The following GNAL variants were observed in gnomAD, a reference collection of about 807,000 sequenced individuals.
GNAL encodes G protein subunit alpha L, also known as guanine nucleotide-binding protein G(olf) subunit alpha.
In GNAL, 18 loss-of-function variants were observed where a neutral mutation model predicts 55.1. The ratio of observed to expected loss-of-function variants is 0.33; its 90% CI spans 0.23 to 0.48. GNAL has a LOEUF of 0.48. GNAL is among the 20% of genes least tolerant of loss of function. The pLI is 0.99. For missense variants in GNAL, 412 were observed against 614.1 expected, an observed-to-expected ratio of 0.67 and a Z score of 3.48; for synonymous variants, 253 against 237.0, an observed-to-expected ratio of 1.07 and a Z score of -0.62.
intron 11 of GNAL, among the ~76,000 whole-genome samples, chr18:11,880,366 T>G (rs557743601): frequency 1.4e-5 from 2 of 147,712 alleles, no homozygotes; most frequent in Non-Finnish European, 3.0e-5. Context: ...GTCAGGAGTT[T>G]GAGACCAGCC....
At chr18:11,776,885 A>C (rs894682284) in intron 4 of GNAL, among the ~76,000 whole-genome samples, 1 of 152,008 alleles carries the variant, frequency 6.6e-6, no homozygotes, top group Non-Finnish European at 1.5e-5. Context: ...AAGCTTCTCT[A>C]CCCTTCGAGC....
intron 5 of GNAL, among the ~76,000 whole-genome samples, chr18:11,826,354 A>G (rs1158233756): frequency 7.1e-4 from 18 of 25,280 alleles, no homozygotes; most frequent in South Asian, 1.9e-3. Context: ...AGGAGCGGGG[A>G]GGGGGAAGGA....
chr18:11,858,893 C>G (rs2036067384), intron 5 of GNAL, among the ~76,000 whole-genome samples: 1 of 152,176 alleles, frequency 6.6e-6, no homozygotes, highest in Non-Finnish European at 1.5e-5. Context: ...GAAGACCCAC[C>G]AGCCTCATCA....
chr18:11,764,040 TC>T (rs2033327892), intron 4 of GNAL, among the ~76,000 whole-genome samples: 1 of 152,232 alleles, frequency 6.6e-6, no homozygotes, highest in Non-Finnish European at 1.5e-5. Context: ...ATGCCCTTTT[TC>T]CCTTGGTAAT....
At chr18:11,821,119 T>A (rs1171583521) in intron 4 of GNAL, among the ~76,000 whole-genome samples, 2 of 152,232 alleles carry the variant, frequency 1.3e-5, no homozygotes, top group Non-Finnish European at 2.9e-5. Context: ...TTGTGAATCG[T>A]GGAAGGACCA....
intron 4 of GNAL, among the ~76,000 whole-genome samples, chr18:11,766,759 T>C (rs529070191): frequency 8.7e-4 from 132 of 152,258 alleles, no homozygotes; most frequent in African/African-American, 3.2e-3. Flanking sequence ...TGCAAAAATA[T>C]AGAACGATTT....
chr18:11,868,432 A>G lies in GNAL; in HGVS notation c.911-111A>G, dbSNP rs1446888272. On this transcript the variant is annotated intron_variant, in intron 8 of 11. Transcript: ENST00000334049. The surrounding 1 kb of genome is among the most constrained non-coding windows in gnomAD (Gnocchi z 4.0). Reference sequence around the variant, plus strand: ...GGCTGTTCTGTGACTGAATAGTCCTATCACTGAATGAATGTTTTTGTGGAA... The same window carrying G: ...GGCTGTTCTGTGACTGAATAGTCCTGTCACTGAATGAATGTTTTTGTGGAA... 1 of 904,040 alleles carries G rather than the reference A, an allele frequency of 1.1e-6. No homozygotes were observed. The highest frequency in any genetic ancestry group is 1.7e-6 in the Non-Finnish European group (1 of 585,552). 56.0% of individuals were successfully genotyped at this position (904,040 alleles called of 1,614,324 possible).
At chr18:11,742,222 G>A (rs908607788) in intron 1 of GNAL, among the ~76,000 whole-genome samples, 3 of 152,182 alleles carry the variant, frequency 2.0e-5, no homozygotes, top group African/African-American at 4.8e-5. Context: ...TTTGTTGACC[G>A]TACTATAGTT....
At chr18:11,862,310 T>C (rs750737750) in intron 5 of GNAL, 85 bp from the exon 6 acceptor site, 35 of 1,002,222 alleles carry the variant, frequency 3.5e-5, no homozygotes, top group Non-Finnish European at 4.5e-5. Context: ...TTGCTGTACT[T>C]GGGTGATGTC....
chr18:11,816,945 G>A (rs553960693), intron 4 of GNAL, among the ~76,000 whole-genome samples: 2 of 151,724 alleles, frequency 1.3e-5, no homozygotes, highest in Non-Finnish European at 2.9e-5. Context: ...TCTAGAAAAG[G>A]CAAAACTATA....
chr18:11,824,880 C>CTTTT, intron 4 of GNAL, 38 bp from the exon 5 acceptor site: 4 of 1,028,236 alleles, frequency 3.9e-6, no homozygotes, highest in South Asian at 1.4e-5. Flanking sequence ...GGTTATTACA[C>CTTTT]TTTTTTTTTT....
At chr18:11,731,769 G>A (rs2032345224) in intron 1 of GNAL, among the ~76,000 whole-genome samples, 1 of 152,184 alleles carries the variant, frequency 6.6e-6, no homozygotes. Context: ...GCCCACTGCT[G>A]AAGGACTGGA....
At chr18:11,691,789 A>G (rs1419645155) in intron 1 of GNAL, among the ~76,000 whole-genome samples, 1 of 152,150 alleles carries the variant, frequency 6.6e-6, no homozygotes, top group East Asian at 1.9e-4. Context: ...GCTCAACCCC[A>G]GCTCTGGGAG....
At position 11,868,519 on chromosome 18, in the gene GNAL, G is replaced by A; in HGVS notation, c.911-24G>A. ...CACAGTGAGGATGTCTAACTGAGGT[G>A]CTTTCCTTTTTCTCCCCACCAAGAT... On this transcript the variant is annotated intron_variant, in intron 8 of 11. Coordinates refer to ENST00000334049, the MANE Select transcript of GNAL (RefSeq NM_182978.4). The surrounding 1 kb of genome is among the most constrained non-coding windows in gnomAD (Gnocchi z 4.0). The A allele has an allele frequency of 6.2e-7, 1 of 1,600,676 alleles. No individual in the cohort carries two copies. Among genetic ancestry groups the A allele is most frequent in the Non-Finnish European group, 8.5e-7 (1 of 1,173,374 alleles).
intron 5 of GNAL, among the ~76,000 whole-genome samples, chr18:11,826,406 G>T (rs2035248453): frequency 6.6e-6 from 1 of 151,880 alleles, no homozygotes; most frequent in South Asian, 2.1e-4. Context: ...AGCATGGCTG[G>T]GGAAAGAAAG....
intron 4 of GNAL, among the ~76,000 whole-genome samples, chr18:11,769,245 T>A (rs991926700): frequency 1.4e-5 from 2 of 147,686 alleles, no homozygotes; most frequent in Non-Finnish European, 3.0e-5. Flanking sequence ...AAATAAGGCA[T>A]GTAGTTTAAT....
chr18:11,868,232 G>A lies in GNAL; in HGVS notation c.911-311G>A, dbSNP rs1201527149. The stretch of plus-strand genomic sequence containing the variant: ...GGAGAATCACTTGAACCTGGGAGGC[G>A]GAAGTTGCAGTGAGCCAAGATCATG... On this transcript the variant is annotated intron_variant, in intron 8 of 11. Transcript: ENST00000334049. This position sits in a 1 kb window ranked among gnomAD's most constrained non-coding sequence, Gnocchi z 4.0. Among the ~76,000 whole-genome samples the A allele has an allele frequency of 2.0e-5, 3 of 151,494 alleles. No individual in the cohort carries two copies. The highest frequency in any genetic ancestry group is 2.9e-5 in the Non-Finnish European group (2 of 67,830).
chr18:11,756,326 A>T (rs907186365), intron 4 of GNAL, among the ~76,000 whole-genome samples: 3 of 152,226 alleles, frequency 2.0e-5, no homozygotes, highest in African/African-American at 7.2e-5. Context: ...AAGGTTACTT[A>T]AAAGTTATTT....
chr18:11,821,568 C>A (rs1470183730), intron 4 of GNAL, among the ~76,000 whole-genome samples: 2 of 152,206 alleles, frequency 1.3e-5, no homozygotes, highest in Admixed American at 1.3e-4. Flanking sequence ...CTTACTGTGA[C>A]ATGCAGGAAA....
Sources: gnomAD v4.1 joint callset for allele counts (sites outside exome capture counted in the v4.1 genomes callset) on GRCh38, gnomAD v4.1.1 for gene constraint, Gnocchi (gnomAD v3.1) non-coding constraint, MANE v1.5 for transcripts, NCBI Gene and HGNC (gene_info 2026-07-23, HGNC 2026-07-21) for gene names.